CACNB2: variants seen among roughly 807,000 people sequenced by gnomAD.
CACNB2 encodes the protein voltage-dependent L-type calcium channel subunit beta-2.
CACNB2 carries 42 observed loss-of-function variants against 73.3 expected under a neutral mutation model. The observed-to-expected ratio is 0.57, with a 90% CI of 0.45 to 0.74. The LOEUF is 0.74. Among genes scored for constraint, CACNB2 ranks in the 30% least tolerant of loss-of-function variants. The pLI is 0.00. For synonymous variants in CACNB2, 348 were observed against 310.3 expected, an observed-to-expected ratio of 1.12 and a Z score of -1.28; for missense variants, 940 against 853.0, an observed-to-expected ratio of 1.10 and a Z score of -1.27.
chr10:18,148,126 C>T (rs578166254), intron 1 of CACNB2, among the ~76,000 whole-genome samples: 1 of 151,736 alleles, frequency 6.6e-6, no homozygotes, highest in South Asian at 2.1e-4. Context: ...AGAGAAATTC[C>T]TGTGGAAATT....
intron 2 of CACNB2, among the ~76,000 whole-genome samples, chr10:18,319,946 G>A (rs576393324): frequency 6.6e-6 from 1 of 152,266 alleles, no homozygotes; most frequent in African/African-American, 2.4e-5. Flanking sequence ...GAGGCCAGTG[G>A]TGAGGATAGC....
chr10:18,437,418 G>A (rs537029576), intron 3 of CACNB2, among the ~76,000 whole-genome samples: 103 of 152,270 alleles, frequency 6.8e-4, no homozygotes, highest in African/African-American at 2.3e-3. Context: ...ATAGCGTATC[G>A]TTGACCCAAA....
chr10:18,279,251 C>T (rs1438899847), intron 2 of CACNB2, among the ~76,000 whole-genome samples: 1 of 152,166 alleles, frequency 6.6e-6, no homozygotes, highest in Admixed American at 6.5e-5. Context: ...CCCTCCCTCC[C>T]GGATCTCCCC....
intron 3 of CACNB2, among the ~76,000 whole-genome samples, chr10:18,475,267 T>C (rs967077460): frequency 6.6e-6 from 1 of 151,988 alleles, no homozygotes; most frequent in Non-Finnish European, 1.5e-5. Flanking sequence ...ACTAAATCAC[T>C]GGCCACTGGC....
At position 18,427,781 on chromosome 10, in the gene CACNB2, T is replaced by C. The variant is rs564357922; in HGVS notation, c.333+25738T>C. Among the ~76,000 whole-genome samples the C allele has an allele frequency of 5.0e-4, 76 of 152,300 alleles. No individual in the cohort carries two copies. The Middle Eastern group carries it at 0.01, about 20-fold the overall frequency. ...GGCATGAATTTATAATCTCATTTTC[T>C]TACTAATCTCTGCAGTATCTACAGT... On this transcript the variant is annotated intron_variant, in intron 3 of 13. Transcript: ENST00000324631.
intron 2 of CACNB2, among the ~76,000 whole-genome samples, chr10:18,264,973 G>C (rs549775134): frequency 6.6e-6 from 1 of 151,960 alleles, no homozygotes; most frequent in Non-Finnish European, 1.5e-5. Flanking sequence ...CTGAAACATC[G>C]GGTCAATGTT....
chr10:18,398,941 T>C (rs2043850864), intron 2 of CACNB2, among the ~76,000 whole-genome samples: 1 of 152,186 alleles, frequency 6.6e-6, no homozygotes, highest in African/African-American at 2.4e-5. Context: ...AAGCTCCATC[T>C]GAATATTAGC....
At chr10:18,379,726 C>T (rs1362707681) in intron 2 of CACNB2, among the ~76,000 whole-genome samples, 1 of 152,170 alleles carries the variant, frequency 6.6e-6, no homozygotes, top group Admixed American at 6.5e-5. Context: ...CACTCTGTCA[C>T]CCAAGCTTGG....
At position 18,195,429 on chromosome 10, in the gene CACNB2, G is replaced by A. The variant is rs377158513; in HGVS notation, c.213+44454G>A. 2.4e-4 allele frequency among the ~76,000 whole-genome samples: 36 copies of A among 152,352 alleles called. 1 individual carries two copies. The South Asian group carries it at 7.1e-3, about 30-fold the overall frequency. On this transcript the variant is annotated intron_variant, in intron 2 of 13. Coordinates refer to ENST00000324631, the MANE Select transcript of CACNB2 (RefSeq NM_201596.3). ...TAATTGATCTCTCAGGGGGTATCAA[G>A]TGGGACCAATCAGGCGAGATCCCAG...
intron 2 of CACNB2, among the ~76,000 whole-genome samples, chr10:18,216,875 A>G (rs763081383): frequency 6.6e-6 from 1 of 152,214 alleles, no homozygotes; most frequent in Admixed American, 6.5e-5. Context: ...AGGACCAATG[A>G]CAACCTACAT....
chr10:18,284,532 CAT>C (rs756057613), intron 2 of CACNB2, among the ~76,000 whole-genome samples: 201 of 152,284 alleles, frequency 1.3e-3, no homozygotes, highest in Non-Finnish European at 2.3e-3. Context: ...TTACTGGAAA[CAT>C]GTGCACTTAA....
intron 2 of CACNB2, among the ~76,000 whole-genome samples, chr10:18,289,355 C>T (rs1407567929): frequency 2.2e-5 from 3 of 134,508 alleles, no homozygotes; most frequent in Non-Finnish European, 4.6e-5. Flanking sequence ...AGTGCAGTGG[C>T]GTGATCTCGG....
At chr10:18,175,409 T>G (rs1054342929) in intron 2 of CACNB2, among the ~76,000 whole-genome samples, 3 of 152,160 alleles carry the variant, frequency 2.0e-5, no homozygotes, top group Non-Finnish European at 4.4e-5. Flanking sequence ...GACAGATGCA[T>G]GTCAAAGGAT....
intron 2 of CACNB2, among the ~76,000 whole-genome samples, chr10:18,167,582 C>T (rs994979975): frequency 3.3e-5 from 5 of 152,110 alleles, no homozygotes; most frequent in African/African-American, 1.2e-4. Context: ...CTCAGAAATG[C>T]TCGCATCGAC....
At chr10:18,184,560 C>G (rs1321900095) in intron 2 of CACNB2, among the ~76,000 whole-genome samples, 3 of 150,700 alleles carry the variant, frequency 2.0e-5, no homozygotes, top group African/African-American at 7.3e-5. Flanking sequence ...GTTACTTTTA[C>G]TGTTCCAGGA....
intron 6 of CACNB2, among the ~76,000 whole-genome samples, chr10:18,508,807 C>A (rs867645429): frequency 2.6e-5 from 4 of 152,274 alleles, no homozygotes; most frequent in Middle Eastern, 3.4e-3. Flanking sequence ...AGGTTATGTC[C>A]TGAAAAATTT....
chr10:18,498,783 C>G, intron 4 of CACNB2: 1 of 335,724 alleles, frequency 3.0e-6, no homozygotes, highest in South Asian at 2.7e-5. Context: ...TAATGTTTCA[C>G]CTTGACTAGG....
chr10:18,435,360 A>G (rs2046082709), intron 3 of CACNB2, among the ~76,000 whole-genome samples: 1 of 152,216 alleles, frequency 6.6e-6, no homozygotes, highest in South Asian at 2.1e-4. Context: ...TGGCATCTAC[A>G]TGAACAGAAA....
chr10:18,299,767 T>C (rs750104453), intron 2 of CACNB2, among the ~76,000 whole-genome samples: 3 of 152,108 alleles, frequency 2.0e-5, no homozygotes, highest in Non-Finnish European at 2.9e-5. Flanking sequence ...TCATTATAAC[T>C]CATGTTGCTG....
Sources: gnomAD v4.1 joint callset for allele counts (sites outside exome capture counted in the v4.1 genomes callset) on GRCh38, gnomAD v4.1.1 for gene constraint, MANE v1.5 for transcripts, NCBI Gene and HGNC (gene_info 2026-07-23, HGNC 2026-07-21) for gene names.